Variants in TNRC18 observed in about 807,000 individuals in gnomAD.
TNRC18 encodes the protein trinucleotide repeat-containing gene 18 protein.
TNRC18 carries 69 observed loss-of-function variants against 226.7 expected under a neutral mutation model. That is an observed-to-expected ratio of 0.30 (90% CI 0.25 to 0.37). The LOEUF (loss-of-function observed/expected upper bound fraction) is 0.37. Among genes scored for constraint, TNRC18 ranks in the 10% least tolerant of loss-of-function variants. The pLI is 1.00. For missense variants in TNRC18, 4,754 were observed against 4,256.6 expected (o/e 1.12, Z -3.25); for synonymous variants, 2,449 against 1,927.6 (o/e 1.27, Z -7.09).
chr7:5,321,226 G>A (rs762926874), intron 21 of TNRC18, 36 bp from the exon 22 acceptor site: 38 of 1,449,946 alleles, frequency 2.6e-5, no homozygotes, highest in Non-Finnish European at 2.8e-5. Context: ...GGCTGGAGCC[G>A]GGGGCGTCTG....
intron 2 of TNRC18, among the ~76,000 whole-genome samples, chr7:5,414,664 A>T (rs1313606930): frequency 6.6e-6 from 1 of 152,130 alleles, no homozygotes; most frequent in Non-Finnish European, 1.5e-5. Context: ...CACCCGCCTC[A>T]GCCTCCCAAA....
Position 5,388,601 on chromosome 7 carries a change from C to G in TNRC18, c.1223G>C (p.Gly408Ala). ...GGAGCCGGGGGGCGCCTGCAGGACC[C>G]CTGGCCTGCCAGCCTCGCGCTCGCG... The part of the protein sequence containing the change: ...RAREREAGRP[G>A]VLQAPPGSPR... Residue 408 changes from glycine to alanine, a missense_variant, in exon 5 of 30, where the codon GGG becomes GCG. Physicochemically the swap from Gly to Ala is moderately conservative, Grantham distance 60 (BLOSUM62 0). Coordinates refer to ENST00000430969, the MANE Select transcript of TNRC18 (RefSeq NM_001080495.3). 2.3e-6 allele frequency: 3 copies of G among 1,295,670 alleles called. No homozygotes were observed. The African/African-American group carries it at 4.8e-5, about 21-fold the overall frequency. 80.3% of individuals were successfully genotyped at this position (1,295,670 alleles called of 1,614,324 possible).
Position 5,359,525 on chromosome 7 carries a change from C to T in TNRC18, c.4706G>A (p.Gly1569Glu). 1 of 1,614,002 alleles carries T rather than the reference C, an allele frequency of 6.2e-7. No homozygotes were observed. Among genetic ancestry groups the T allele is most frequent in the Non-Finnish European group, 8.5e-7 (1 of 1,179,888 alleles). The change falls in exon 15 of 30, where the codon GGA becomes GAA. Residue 1569 changes from glycine to glutamate, a missense_variant. By Grantham distance (98) the Gly-to-Glu change is moderately conservative. Coordinates refer to ENST00000430969, the MANE Select transcript of TNRC18 (RefSeq NM_001080495.3). ...CTTGTGTCTCTTTCTTATCCCTGCT[C>T]CCAGCTCATAATCATCTGATGTCAG... ...SLLTSDDYEL[G>E]AGIRKRHKGS... is the part of the protein sequence containing the mutation.
chr7:5,384,248 G>A (rs1467826766), intron 5 of TNRC18, among the ~76,000 whole-genome samples: 5 of 152,152 alleles, frequency 3.3e-5, no homozygotes, highest in African/African-American at 9.6e-5. Context: ...GATTACAGGC[G>A]TGAGCCACCA....
At chr7:5,420,541 C>T (rs899840847) in intron 2 of TNRC18, 1 of 444,736 alleles carries the variant, frequency 2.2e-6, no homozygotes, top group Admixed American at 2.4e-5. Context: ...ACCGTACTCC[C>T]GCATCCCCCG....
At position 5,351,673 on chromosome 7, in the gene TNRC18, C is replaced by A. The variant is rs1015222634; in HGVS notation, c.5470+146G>T. Reference sequence around the variant, plus strand: ...TAACAGCAGGCTACGCTGCCAAGAACCCAGATGGCAGCCTTCTTGCGGCCA... The same window carrying A: ...TAACAGCAGGCTACGCTGCCAAGAAACCAGATGGCAGCCTTCTTGCGGCCA... On this transcript the variant is annotated intron_variant, in intron 17 of 29. Transcript: ENST00000430969. The A allele has an allele frequency of 1.9e-5, 16 of 854,568 alleles. No homozygotes were observed. In the African/African-American group the frequency reaches 2.7e-4, roughly 15 times the overall value. The allele number at this position is 854,568 out of a possible 1,614,324, so 52.9% of individuals were successfully genotyped here. A position where few individuals can be genotyped will look rare whatever the true frequency, so the allele number is the denominator to read the frequency against.
rs748234974 is a variant in TNRC18, at chr7:5,362,035, T to TG, written c.4396-3dup. 1.2e-6 allele frequency: 2 copies of TG among 1,611,988 alleles called. No individual in the cohort carries two copies. The highest frequency in any genetic ancestry group is 2.7e-5 in the African/African-American group (2 of 74,844). On this transcript the variant is annotated splice_region_variant and splice_polypyrimidine_tract_variant and intron_variant, in intron 12 of 29. Coordinates refer to ENST00000430969, the MANE Select transcript of TNRC18 (RefSeq NM_001080495.3). The stretch of plus-strand genomic sequence containing the variant: ...CAGGGAGGACTTCATGGCATACATC[T>TG]GGGGGAAGAACCGGGAGAGGAGGAG...
intron 2 of TNRC18, among the ~76,000 whole-genome samples, chr7:5,409,812 TAAAA>T (rs35153914): frequency 1.9e-5 from 2 of 104,736 alleles, no homozygotes; most frequent in Non-Finnish European, 3.8e-5. Context: ...CCGTCTCTAC[TAAAA>T]AAAAAAAAAA....
Position 5,389,223 on chromosome 7 carries a change from A to ACGACGAGCCTTTGGC in TNRC18, c.586_600dup (p.Ala196_Ser200dup), listed in dbSNP as rs772336785. On this transcript the variant is annotated inframe_insertion, in exon 5 of 30. Coordinates refer to ENST00000430969, the MANE Select transcript of TNRC18 (RefSeq NM_001080495.3). ...CGCTCCTTGGCTGGACCGTCCCGCGACGACGAGCCTTTGGCCGGGGCGCCC... is the reference window on the plus strand; with the variant it reads ...CGCTCCTTGGCTGGACCGTCCCGCGACGACGAGCCTTTGGCCGACGAGCCTTTGGCCGGGGCGCCC... 2,531 of 1,337,336 alleles carry ACGACGAGCCTTTGGC rather than the reference A, an allele frequency of 1.9e-3. 1 individual carries two copies. The highest frequency in any genetic ancestry group is 2.2e-3 in the South Asian group (122 of 55,460). 82.8% of individuals were successfully genotyped at this position (1,337,336 alleles called of 1,614,324 possible).
At chr7:5,334,038 G>A (rs2128128716) in intron 18 of TNRC18, among the ~76,000 whole-genome samples, 1 of 152,294 alleles carries the variant, frequency 6.6e-6, no homozygotes, top group East Asian at 1.9e-4. Flanking sequence ...GGGGCTCCAA[G>A]GTGCCTTCAC....
intron 5 of TNRC18, among the ~76,000 whole-genome samples, chr7:5,381,829 G>A (rs907101414): frequency 3.9e-5 from 6 of 152,036 alleles, no homozygotes; most frequent in East Asian, 3.9e-4. Flanking sequence ...AGCTGGGCAC[G>A]GTGGCAGGTG....
intron 1 of TNRC18, among the ~76,000 whole-genome samples, chr7:5,422,169 G>C (rs1369950286): frequency 6.6e-6 from 1 of 151,938 alleles, no homozygotes; most frequent in Non-Finnish European, 1.5e-5. Flanking sequence ...TGGCATTCTC[G>C]CCTAAGGACT....
In TNRC18 at chr7:5,423,806, C is replaced by A. The variant is rs1282947849; in HGVS notation, c.-609G>T. On this transcript the variant is annotated 5_prime_UTR_variant, in exon 1 of 30. Transcript: ENST00000430969. ...GATTGGAAAAGGTACATTACACAAC[C>A]CCCCTTTCAAGTTCCTCTCGCAGGA... Among the ~76,000 whole-genome samples, 2 of 151,294 alleles carry A rather than the reference C, an allele frequency of 1.3e-5. No homozygotes were observed. The highest frequency in any genetic ancestry group is 3.0e-5 in the Non-Finnish European group (2 of 67,764).
intron 24 of TNRC18, among the ~76,000 whole-genome samples, chr7:5,316,776 C>A (rs569557354): frequency 6.6e-6 from 1 of 152,304 alleles, no homozygotes; most frequent in South Asian, 2.1e-4. Context: ...CCGGGATGAA[C>A]GTGCAGGAAC....
chr7:5,333,208 A>T (rs1259563639), intron 18 of TNRC18, among the ~76,000 whole-genome samples, 159 bp from the exon 19 acceptor site: 1 of 151,788 alleles, frequency 6.6e-6, no homozygotes, highest in East Asian at 1.9e-4. Flanking sequence ...GAGGAGAAAG[A>T]CTCATCGGGA....
chr7:5,319,269 T>G (rs542211225), intron 24 of TNRC18, among the ~76,000 whole-genome samples: 2 of 152,214 alleles, frequency 1.3e-5, no homozygotes, highest in Non-Finnish European at 2.9e-5. Flanking sequence ...TGAGCTGGCA[T>G]TGGCTTCCAT....
chr7:5,344,555 T>G (rs935965367), intron 18 of TNRC18, among the ~76,000 whole-genome samples: 2 of 152,014 alleles, frequency 1.3e-5, no homozygotes, highest in African/African-American at 4.8e-5. Flanking sequence ...GGGGCTTTGC[T>G]CCACGAACCT....
intron 4 of TNRC18, chr7:5,390,257 TG>T (rs1276195960): frequency 1.1e-5 from 6 of 552,896 alleles, no homozygotes; most frequent in African/African-American, 9.8e-5. Context: ...CCCAGCTACT[TG>T]GGGGGCTGAG....
intron 10 of TNRC18, among the ~76,000 whole-genome samples, chr7:5,371,916 A>T (rs1794192272): frequency 6.6e-6 from 1 of 151,800 alleles, no homozygotes; most frequent in South Asian, 2.1e-4. Flanking sequence ...TTTTTTTTTG[A>T]GACAGAACTT....
Sources: gnomAD v4.1 joint callset for allele counts (sites outside exome capture counted in the v4.1 genomes callset) on GRCh38, gnomAD v4.1.1 for gene constraint, MANE v1.5 for transcripts, NCBI Gene and HGNC (gene_info 2026-07-23, HGNC 2026-07-21) for gene names.